The following PDE5A variants were observed in gnomAD, a reference collection of about 807,000 sequenced individuals.
The protein encoded by PDE5A is cGMP-specific 3',5'-cyclic phosphodiesterase.
Under a neutral mutation model 110.2 loss-of-function variants are expected in PDE5A, and 67 were observed. That is an observed-to-expected ratio of 0.61 (90% CI 0.50 to 0.75). PDE5A has a LOEUF of 0.75. Ranked by LOEUF, PDE5A falls within the 30% of genes least tolerant of loss-of-function variation. The probability of loss-of-function intolerance (pLI) is 0.00; values close to 1 mark genes in which losing one functional copy is unlikely to be tolerated. For synonymous variants in PDE5A, 328 were observed against 351.2 expected, an observed-to-expected ratio of 0.93 and a Z score of 0.74; for missense variants, 862 against 1,045.1, an observed-to-expected ratio of 0.82 and a Z score of 2.42.
chr4:119,495,247 C>T lies in PDE5A; in HGVS notation c.*3354G>A, dbSNP rs888840876. Reference sequence around the variant, plus strand: ...CTTCTCTAGCACCTCCTTCAGGGACCGTGAGCTCCTTGGGGTCACTGCTCT... The same window carrying T: ...CTTCTCTAGCACCTCCTTCAGGGACTGTGAGCTCCTTGGGGTCACTGCTCT... On this transcript the variant is annotated 3_prime_UTR_variant, in exon 21 of 21. Transcript: ENST00000354960. 1 of 152,078 alleles carries T rather than the reference C, an allele frequency of 6.6e-6. No individual in the cohort carries two copies. The allele number at this position is 152,078 out of a possible 1,614,324, so 9.4% of individuals were successfully genotyped here. A position where few individuals can be genotyped will look rare whatever the true frequency, so the allele number is the denominator to read the frequency against.
At chr4:119,592,098 C>T (rs1458324313) in intron 3 of PDE5A, among the ~76,000 whole-genome samples, 11 of 132,670 alleles carry the variant, frequency 8.3e-5, no homozygotes, top group Non-Finnish European at 1.5e-4. Flanking sequence ...TGCAGTGGGC[C>T]GAGATCATAC....
chr4:119,514,792 G>A (rs1397478305), intron 14 of PDE5A, among the ~76,000 whole-genome samples: 1 of 152,160 alleles, frequency 6.6e-6, no homozygotes, highest in Non-Finnish European at 1.5e-5. Context: ...CATGTGCCAG[G>A]AAATGTTCTA....
At chr4:119,587,296 T>C (rs1220896435) in intron 3 of PDE5A, among the ~76,000 whole-genome samples, 1 of 151,104 alleles carries the variant, frequency 6.6e-6, no homozygotes, top group Non-Finnish European at 1.5e-5. Flanking sequence ...TCCACCTCCC[T>C]GGTTCACGCA....
rs146066089 is a variant in PDE5A at position 119,562,913 on chromosome 4, A to G, written c.1051T>C (p.Leu351=). 3 of 1,603,288 alleles carry G rather than the reference A, an allele frequency of 1.9e-6. No homozygotes were observed. The highest frequency in any genetic ancestry group is 1.3e-5 in the African/African-American group (1 of 74,146). Residue 351 remains leucine, a synonymous_variant, in exon 6 of 21, where the codon TTG becomes CTG. Coordinates refer to ENST00000354960, the MANE Select transcript of PDE5A (RefSeq NM_001083.4). ...FEEQQSLEVI[L]KKIAATIISF... ...ATAATAGTGGCAGCTATTTTCTTCAAAATTACTTCTAATGATTGTTGTTCT... is the reference window on the plus strand; with the variant it reads ...ATAATAGTGGCAGCTATTTTCTTCAGAATTACTTCTAATGATTGTTGTTCT...
chr4:119,556,613 G>A (rs1727549740), intron 7 of PDE5A, among the ~76,000 whole-genome samples: 2 of 152,288 alleles, frequency 1.3e-5, no homozygotes, highest in East Asian at 1.9e-4. Context: ...GTGATACGGT[G>A]TAACAATGCA....
chr4:119,543,617 G>A (rs990223464), intron 9 of PDE5A: 1 of 152,184 alleles, frequency 6.6e-6, no homozygotes, highest in Non-Finnish European at 1.5e-5. Context: ...GCTGGTATGT[G>A]TAGGTCTAAA....
chr4:119,571,935 A>C (rs1166957070), intron 3 of PDE5A, among the ~76,000 whole-genome samples: 1 of 152,220 alleles, frequency 6.6e-6, no homozygotes, highest in Non-Finnish European at 1.5e-5. Context: ...CAAGAATTTT[A>C]ATGGTTTCAC....
chr4:119,568,052 TCTC>T, intron 3 of PDE5A, among the ~76,000 whole-genome samples: 1 of 152,138 alleles, frequency 6.6e-6, no homozygotes, highest in Non-Finnish European at 1.5e-5. Flanking sequence ...GATATAAAAT[TCTC>T]CTCTAGGATA....
rs1014041031 is a variant in PDE5A, at chr4:119,495,762, G to A, written c.*2839C>T. 1 of 152,142 alleles carries A rather than the reference G, an allele frequency of 6.6e-6. No homozygotes were observed. Among genetic ancestry groups the A allele is most frequent in the African/African-American group, 2.4e-5 (1 of 41,416 alleles). The allele number at this position is 152,142 out of a possible 1,614,324, so 9.4% of individuals were successfully genotyped here. ...TACCTTGAAGCAATATACTCAATGAGCTCTAAATCTCACATTCACTAGTGA... is the reference window on the plus strand; with the variant it reads ...TACCTTGAAGCAATATACTCAATGAACTCTAAATCTCACATTCACTAGTGA... On this transcript the variant is annotated 3_prime_UTR_variant, in exon 21 of 21. Coordinates refer to ENST00000354960, the MANE Select transcript of PDE5A (RefSeq NM_001083.4).
intron 9 of PDE5A, chr4:119,550,506 G>T (rs777110977): frequency 2.1e-4 from 32 of 152,068 alleles, no homozygotes; most frequent in Non-Finnish European, 4.4e-4. Context: ...CTGTGAGTCC[G>T]ACCCCCAGTC....
chr4:119,565,793 T>G (rs140222596), intron 4 of PDE5A, among the ~76,000 whole-genome samples: 309 of 152,056 alleles, frequency 2.0e-3, no homozygotes, highest in African/African-American at 7.2e-3. Flanking sequence ...GCTTACATAC[T>G]TGTTAAAAGA....
chr4:119,516,192 A>C, intron 14 of PDE5A, among the ~76,000 whole-genome samples: 1 of 152,190 alleles, frequency 6.6e-6, no homozygotes, highest in Non-Finnish European at 1.5e-5. Flanking sequence ...ATCTGTCTTG[A>C]CCAGTTTTCT....
chr4:119,546,971 T>C (rs1727150005), intron 9 of PDE5A, among the ~76,000 whole-genome samples: 1 of 152,016 alleles, frequency 6.6e-6, no homozygotes, highest in South Asian at 2.1e-4. Flanking sequence ...TTTCAGCTAA[T>C]TCTTTTTGGG....
intron 1 of PDE5A, chr4:119,628,092 G>C: frequency 2.1e-6 from 2 of 952,354 alleles, no homozygotes; most frequent in Non-Finnish European, 2.5e-6. Flanking sequence ...AGGGGGGACG[G>C]GGGAGGAGCG....
At chr4:119,534,477 A>G (rs1266972035) in intron 11 of PDE5A, among the ~76,000 whole-genome samples, 1 of 152,094 alleles carries the variant, frequency 6.6e-6, no homozygotes, top group Non-Finnish European at 1.5e-5. Context: ...TCCCAAAACT[A>G]TTCCCATACT....
chr4:119,532,076 G>C (rs1195753038), intron 11 of PDE5A, among the ~76,000 whole-genome samples: 1 of 152,044 alleles, frequency 6.6e-6, no homozygotes, highest in Non-Finnish European at 1.5e-5. Flanking sequence ...GGAAAAGAAA[G>C]CAAAATCTTA....
intron 1 of PDE5A, among the ~76,000 whole-genome samples, chr4:119,620,649 T>C (rs886634481): frequency 2.6e-5 from 4 of 152,170 alleles, no homozygotes; most frequent in Non-Finnish European, 5.9e-5. Context: ...CTTTGTTCTA[T>C]AAAATGTTCT....
intron 1 of PDE5A, among the ~76,000 whole-genome samples, chr4:119,616,609 A>G (rs1281463115): frequency 6.6e-6 from 1 of 152,168 alleles, no homozygotes; most frequent in Admixed American, 6.6e-5. Context: ...TTGTGTGAGT[A>G]GAGCACCCAG....
At position 119,542,824 on chromosome 4, in the gene PDE5A, T is replaced by C. The variant is rs75827913; in HGVS notation, c.1397-190A>G. Among the ~76,000 whole-genome samples the C allele has an allele frequency of 7.7e-3, 1,169 of 152,248 alleles. 14 individuals carry two copies. Among genetic ancestry groups the C allele is most frequent in the African/African-American group, 0.027 (1,101 of 41,538 alleles). On this transcript the variant is annotated intron_variant, in intron 9 of 20. Coordinates refer to ENST00000354960, the MANE Select transcript of PDE5A (RefSeq NM_001083.4). The stretch of plus-strand genomic sequence containing the variant: ...AGAATTTATATGAGAACTAGTTTCA[T>C]GTAGTTCAAAATGTACATTGCTGGC...
Sources: allele counts gnomAD v4.1 joint callset (sites outside exome capture counted in the v4.1 genomes callset), GRCh38; gene constraint gnomAD v4.1.1; transcripts MANE v1.5; gene names NCBI Gene and HGNC (gene_info 2026-07-23, HGNC 2026-07-21).